The following MACO1 variants were observed in gnomAD, a reference collection of about 807,000 sequenced individuals.
MACO1 encodes the protein macoilin 1.
Under a neutral mutation model 78.7 loss-of-function variants are expected in MACO1, and 14 were observed. That is an observed-to-expected ratio of 0.18 (90% CI 0.12 to 0.28). The LOEUF is 0.28. Ranked by LOEUF, MACO1 falls within the 10% of genes least tolerant of loss-of-function variation. The pLI, the probability that MACO1 is intolerant of heterozygous loss-of-function variation, is 1.00. For missense variants in MACO1, 501 were observed against 799.0 expected, an observed-to-expected ratio of 0.63 and a Z score of 4.50; for synonymous variants, 288 against 291.6, an observed-to-expected ratio of 0.99 and a Z score of 0.12.
chr1:25,486,767 C>A (rs567485972), intron 8 of MACO1, among the ~76,000 whole-genome samples: 1 of 152,174 alleles, frequency 6.6e-6, no homozygotes, highest in South Asian at 2.1e-4. Flanking sequence ...CCTGTGTGAT[C>A]CTGCCTCCCC....
intron 10 of MACO1, among the ~76,000 whole-genome samples, chr1:25,494,841 G>C (rs1224662028): frequency 6.6e-6 from 1 of 152,206 alleles, no homozygotes; most frequent in African/African-American, 2.4e-5. Flanking sequence ...AGAAACCCAA[G>C]TAGGAAATAT....
chr1:25,477,215 A>G (rs1191783961), intron 6 of MACO1, among the ~76,000 whole-genome samples: 1 of 152,132 alleles, frequency 6.6e-6, no homozygotes, highest in Non-Finnish European at 1.5e-5. Flanking sequence ...TGTGCTGGAG[A>G]GTTTAATTTT....
At chr1:25,448,050 C>T (rs1195859577) in intron 2 of MACO1, among the ~76,000 whole-genome samples, 2 of 152,126 alleles carry the variant, frequency 1.3e-5, no homozygotes, top group Non-Finnish European at 2.9e-5. Flanking sequence ...AACCTAATAG[C>T]ATCAGTATAT....
chr1:25,489,942 A>G (rs2043470084), intron 9 of MACO1, among the ~76,000 whole-genome samples: 3 of 152,210 alleles, frequency 2.0e-5, no homozygotes, highest in African/African-American at 7.2e-5. Context: ...TGGGAAAGGT[A>G]ACGATTAGTC....
rs377414071 is a variant in MACO1, at chr1:25,458,799, A to C, written c.1061A>C (p.Gln354Pro). ...TCATCTAGTAAAAATGAGAAGAAGC[A>C]GAAATGCACTAGCAAGAGCCCAAGT... ...PSSSSKNEKK[Q>P]KCTSKSPSTH... Residue 354 changes from glutamine (Q) to proline (P), a missense_variant, in exon 6 of 11, where the codon CAG (glutamine) becomes CCG (proline). Physicochemically the swap from Gln to Pro is moderately conservative, Grantham distance 76. Transcript: ENST00000374343. 86 of 1,614,094 alleles carry C rather than the reference A, an allele frequency of 5.3e-5. No individual in the cohort carries two copies. The highest frequency in any genetic ancestry group is 7.3e-5 in the Non-Finnish European group (86 of 1,180,042).
chr1:25,484,558 AT>A (rs1430012690), intron 7 of MACO1, among the ~76,000 whole-genome samples: 1 of 152,238 alleles, frequency 6.6e-6, no homozygotes, highest in Non-Finnish European at 1.5e-5. Context: ...GGATAGTAAA[AT>A]TGACAAGAAG....
At chr1:25,453,660 CAAAAAAAAA>C (rs532604219) in intron 3 of MACO1, among the ~76,000 whole-genome samples, 1 of 69,166 alleles carries the variant, frequency 1.4e-5, no homozygotes, top group Non-Finnish European at 2.9e-5. Flanking sequence ...GAGACTCCCT[CAAAAAAAAA>C]AAAAAAAAAA....
chr1:25,449,350 G>A (rs190936487), intron 3 of MACO1, among the ~76,000 whole-genome samples: 13 of 152,212 alleles, frequency 8.5e-5, no homozygotes, highest in Admixed American at 4.6e-4. Context: ...TCCCTGACAC[G>A]TGGTGGTTTT....
intron 1 of MACO1, among the ~76,000 whole-genome samples, chr1:25,431,508 C>T (rs2042868033): frequency 6.6e-6 from 1 of 151,808 alleles, no homozygotes; most frequent in Non-Finnish European, 1.5e-5. Context: ...CCCGGCCATG[C>T]CGCTGGGCCG....
At position 25,430,944 on chromosome 1, in the gene MACO1, C is replaced by T. The variant is rs1260947515; in HGVS notation, c.-155C>T. On this transcript the variant is annotated 5_prime_UTR_variant, in exon 1 of 11. Coordinates refer to ENST00000374343, the MANE Select transcript of MACO1 (RefSeq NM_018202.6). Reference sequence around the variant, plus strand: ...CGGAGGAGGCTCCGAGCCCCCCCTCCCCGTGCTACCCCCTCCCCCCGGGTG... The same window carrying T: ...CGGAGGAGGCTCCGAGCCCCCCCTCTCCGTGCTACCCCCTCCCCCCGGGTG... 1.8e-5 allele frequency: 8 copies of T among 433,346 alleles called. No homozygotes were observed. The South Asian group carries it at 1.9e-4, about 10-fold the overall frequency. The allele number at this position is 433,346 out of a possible 1,614,324, so 26.8% of individuals were successfully genotyped here. A position where few individuals can be genotyped will look rare whatever the true frequency, so the allele number is the denominator to read the frequency against.
intron 1 of MACO1, among the ~76,000 whole-genome samples, chr1:25,440,767 CAAA>C (rs71815906): frequency 1.2e-3 from 124 of 107,082 alleles, no homozygotes; most frequent in African/African-American, 2.0e-3. Context: ...GACTCCATCT[CAAA>C]AAAAAAAAAA....
chr1:25,485,186 T>C lies in MACO1; in HGVS notation c.1314-427T>C, dbSNP rs2043418561. 6.6e-6 allele frequency among the ~76,000 whole-genome samples: 1 copy of C among 152,196 alleles called. No homozygotes were observed. Among genetic ancestry groups the C allele is most frequent in the Middle Eastern group, 3.4e-3 (1 of 294 alleles). On this transcript the variant is annotated intron_variant, in intron 7 of 10. Transcript: ENST00000374343. The surrounding 1 kb of genome is among the most constrained non-coding windows in gnomAD (Gnocchi z 4.3). Reference sequence around the variant, plus strand: ...ACAGCAAAATTGTATTCAGGAAAAATAAAAACCTTCCCCTTTCCACCCCTT... The same window carrying C: ...ACAGCAAAATTGTATTCAGGAAAAACAAAAACCTTCCCCTTTCCACCCCTT...
chr1:25,453,660 C>CAAAA (rs532604219), intron 3 of MACO1, among the ~76,000 whole-genome samples: 29 of 68,926 alleles, frequency 4.2e-4, no homozygotes, highest in Non-Finnish European at 4.9e-4. Context: ...GAGACTCCCT[C>CAAAA]AAAAAAAAAA....
intron 9 of MACO1, among the ~76,000 whole-genome samples, chr1:25,490,236 T>A (rs1324170037): frequency 6.6e-6 from 1 of 152,180 alleles, no homozygotes; most frequent in Non-Finnish European, 1.5e-5. Context: ...AATAAGGAAT[T>A]AATATTCTCA....
intron 1 of MACO1, among the ~76,000 whole-genome samples, chr1:25,440,670 G>A (rs2042963677): frequency 6.6e-6 from 1 of 151,096 alleles, no homozygotes; most frequent in Admixed American, 6.6e-5. Context: ...TTGAGAGGCT[G>A]AGGTGGGAGA....
chr1:25,461,836 C>T (rs142451560), intron 6 of MACO1, among the ~76,000 whole-genome samples: 7 of 152,184 alleles, frequency 4.6e-5, no homozygotes, highest in Non-Finnish European at 1.0e-4. Flanking sequence ...TAGTTGTTAT[C>T]CCTTGATAGT....
chr1:25,485,616 A>T lies in MACO1; in HGVS notation c.1317A>T (p.Leu439Phe). The T allele has an allele frequency of 6.2e-7, 1 of 1,612,992 alleles. No individual in the cohort carries two copies. Among genetic ancestry groups the T allele is most frequent in the Non-Finnish European group, 8.5e-7 (1 of 1,179,734 alleles). Residue 439 changes from leucine (L) to phenylalanine (F), a missense_variant, in exon 8 of 11, where the codon TTA becomes TTT. Leu to Phe is a conservative substitution (Grantham distance 22, BLOSUM62 0). Around this residue, in one of 5 missense-constraint regions of MACO1, gnomAD observed 163 missense variants for 271.9 expected, o/e 0.60. Transcript: ENST00000374343. The surrounding 1 kb of genome is among the most constrained non-coding windows in gnomAD (Gnocchi z 4.3). ...RQENELLQNK[L>F]HNAVQMKQKD... ...TATGACAATCATTTCCATATAGGTTACATAATGCTGTGCAAATGAAGCAAA... is the reference window on the plus strand; with the variant it reads ...TATGACAATCATTTCCATATAGGTTTCATAATGCTGTGCAAATGAAGCAAA...
intron 6 of MACO1, among the ~76,000 whole-genome samples, chr1:25,467,472 CTT>C (rs147174436): frequency 0.014 from 2,059 of 152,274 alleles, 54 homozygotes; most frequent in African/African-American, 0.047. Flanking sequence ...GAATTTAACA[CTT>C]TGAGTTAACA....
At position 25,491,634 on chromosome 1, in the gene MACO1, G is replaced by C. The variant is rs773175555; in HGVS notation, c.1792+50G>C. 30 of 1,544,408 alleles carry C rather than the reference G, an allele frequency of 1.9e-5. No individual in the cohort carries two copies. In the Admixed American group the frequency reaches 5.0e-4, roughly 26 times the overall value. On this transcript the variant is annotated intron_variant, in intron 10 of 10. Transcript: ENST00000374343. ...AGGTGGTGTGACTGATAATGCACAG[G>C]GATGCACAGGCCAGACCTCTCCTGA...
Sources: allele counts gnomAD v4.1 joint callset (sites outside exome capture counted in the v4.1 genomes callset), GRCh38; gene constraint gnomAD v4.1.1; regional missense constraint gnomAD v4.1.1; non-coding constraint Gnocchi (gnomAD v3.1); transcripts MANE v1.5; gene names NCBI Gene and HGNC (gene_info 2026-07-23, HGNC 2026-07-21).